IL1RAPL2: variants seen among roughly 807,000 people sequenced by gnomAD.
IL1RAPL2 encodes X-linked interleukin-1 receptor accessory protein-like 2.
IL1RAPL2 carries 3 observed loss-of-function variants against 44.1 expected under a neutral mutation model. The ratio of observed to expected loss-of-function variants is 0.07; its 90% CI spans 0.03 to 0.18. The LOEUF (loss-of-function observed/expected upper bound fraction) is 0.18, where lower values mean the gene tolerates loss of function less well. Ranked by LOEUF, IL1RAPL2 falls within the 10% of genes least tolerant of loss-of-function variation. The probability of loss-of-function intolerance (pLI) is 1.00; values close to 1 mark genes in which losing one functional copy is unlikely to be tolerated. For missense variants in IL1RAPL2, 391 were observed against 496.4 expected, an observed-to-expected ratio of 0.79 and a Z score of 2.02; for synonymous variants, 181 against 178.8, an observed-to-expected ratio of 1.01 and a Z score of -0.10.
chrX:105,415,804 TA>T (rs1220667845), intron 5 of IL1RAPL2, among the ~76,000 whole-genome samples: 1 of 111,475 alleles, frequency 9.0e-6, no homozygotes, highest in East Asian at 2.8e-4. Context: ...AAGAACAAAA[TA>T]AAAAAATTAC....
At chrX:105,094,943 T>C (rs1024874139) in intron 2 of IL1RAPL2, among the ~76,000 whole-genome samples, 1 of 111,408 alleles carries the variant, frequency 9.0e-6, no homozygotes, top group African/African-American at 3.3e-5. Flanking sequence ...CTATTACTAA[T>C]GGGATTGTTT....
At chrX:105,410,684 G>A (rs2035688891) in intron 5 of IL1RAPL2, among the ~76,000 whole-genome samples, 1 of 111,676 alleles carries the variant, frequency 9.0e-6, no homozygotes, top group Non-Finnish European at 1.9e-5. Context: ...TTATCCTTCA[G>A]AAATGAAGTA....
chrX:104,949,292 C>A (rs1400008098), intron 2 of IL1RAPL2, among the ~76,000 whole-genome samples: 1 of 110,580 alleles, frequency 9.0e-6, no homozygotes, highest in African/African-American at 3.3e-5. Flanking sequence ...TATTGCATGT[C>A]TTTGATTCTT....
At chrX:104,606,080 T>G (rs1021124398) in intron 1 of IL1RAPL2, among the ~76,000 whole-genome samples, 1 of 112,054 alleles carries the variant, frequency 8.9e-6, no homozygotes, top group African/African-American at 3.2e-5. Flanking sequence ...AATAAAATAC[T>G]GGCAAACCAA....
chrX:104,576,490 A>G (rs931942101), intron 1 of IL1RAPL2, among the ~76,000 whole-genome samples: 2 of 111,588 alleles, frequency 1.8e-5, no homozygotes, highest in Admixed American at 9.5e-5. Context: ...AAAGTATCCT[A>G]AGGCGTTGTA....
At position 105,473,097 on chromosome X, in the gene IL1RAPL2, A is replaced by AG. The variant is rs1023311887; in HGVS notation, c.698-11215dup. Among the ~76,000 whole-genome samples, 5 of 111,742 alleles carry AG rather than the reference A, an allele frequency of 4.5e-5. No individual in the cohort carries two copies. In the South Asian group the frequency reaches 1.9e-3, roughly 42 times the overall value. ...ATAGGAATGTTGTGAGGATTAAATG[A>AG]GACTGGGAGACTACAGAATAGGAGT... On this transcript the variant is annotated intron_variant, in intron 5 of 10. Coordinates refer to ENST00000372582, the MANE Select transcript of IL1RAPL2 (RefSeq NM_017416.2).
intron 2 of IL1RAPL2, among the ~76,000 whole-genome samples, chrX:104,941,379 T>C (rs1411805758): frequency 9.0e-6 from 1 of 111,522 alleles, no homozygotes; most frequent in Non-Finnish European, 1.9e-5. Flanking sequence ...TTCCTGACTT[T>C]TTAATGATCG....
intron 2 of IL1RAPL2, among the ~76,000 whole-genome samples, chrX:105,129,516 C>A (rs2033006923): frequency 9.0e-6 from 1 of 110,549 alleles, no homozygotes; most frequent in Non-Finnish European, 1.9e-5. Context: ...TCTCATCCCC[C>A]TGCTGACTCT....
intron 3 of IL1RAPL2, among the ~76,000 whole-genome samples, chrX:105,201,519 G>A (rs1231185263): frequency 6.3e-5 from 7 of 111,668 alleles, no homozygotes; most frequent in African/African-American, 2.0e-4. Flanking sequence ...ATATATAAGC[G>A]AGTATTTTTA....
chrX:105,652,582 A>G (rs781093164), intron 6 of IL1RAPL2, among the ~76,000 whole-genome samples: 6 of 111,606 alleles, frequency 5.4e-5, no homozygotes, highest in Non-Finnish European at 9.4e-5. Flanking sequence ...TATCGCACTT[A>G]GTATTTGCAA....
chrX:104,760,415 C>T (rs913576388), intron 2 of IL1RAPL2, among the ~76,000 whole-genome samples: 8 of 111,959 alleles, frequency 7.1e-5, no homozygotes, highest in Admixed American at 3.8e-4. Flanking sequence ...CAGAAGGGTT[C>T]CCTTTTCTCC....
intron 2 of IL1RAPL2, among the ~76,000 whole-genome samples, chrX:105,080,891 C>T (rs1271168055): frequency 9.0e-6 from 1 of 111,337 alleles, no homozygotes; most frequent in Non-Finnish European, 1.9e-5. Context: ...CTCTTATTTC[C>T]TTGAGCAGTT....
At chrX:105,589,136 A>G (rs2037150191) in intron 6 of IL1RAPL2, among the ~76,000 whole-genome samples, 1 of 112,177 alleles carries the variant, frequency 8.9e-6, no homozygotes, top group Non-Finnish European at 1.9e-5. Flanking sequence ...TCTAATTATT[A>G]GTGATGTTGA....
At chrX:105,312,071 GA>G (rs1369015600) in intron 5 of IL1RAPL2, among the ~76,000 whole-genome samples, 1 of 111,643 alleles carries the variant, frequency 9.0e-6, no homozygotes, top group Non-Finnish European at 1.9e-5. Context: ...TCATTTAAAT[GA>G]CTTTCTAGTA....
At chrX:104,937,382 G>T (rs778772720) in intron 2 of IL1RAPL2, among the ~76,000 whole-genome samples, 1 of 112,083 alleles carries the variant, frequency 8.9e-6, no homozygotes, top group Non-Finnish European at 1.9e-5. Context: ...TATCTTCCAC[G>T]CTGTGACCTT....
intron 2 of IL1RAPL2, among the ~76,000 whole-genome samples, chrX:105,053,567 G>A (rs185165245): frequency 9.0e-6 from 1 of 111,185 alleles, no homozygotes; most frequent in Admixed American, 9.6e-5. Context: ...AGAAAACAGA[G>A]TCTAGAACCT....
chrX:104,721,375 T>C (rs1931672007), intron 2 of IL1RAPL2, among the ~76,000 whole-genome samples: 1 of 110,786 alleles, frequency 9.0e-6, no homozygotes, highest in Non-Finnish European at 1.9e-5. Flanking sequence ...TCATGTTCTT[T>C]GCAGGGACAC....
intron 2 of IL1RAPL2, among the ~76,000 whole-genome samples, chrX:105,055,774 C>T (rs1449032978): frequency 1.1e-5 from 1 of 92,776 alleles, no homozygotes; most frequent in African/African-American, 4.0e-5. Context: ...TAGGAAAAGC[C>T]CCCAGTCTCA....
chrX:105,767,432 C>T lies in IL1RAPL2; in HGVS notation c.1832C>T (p.Ser611Leu). The change falls in exon 11 of 11, where the codon TCA (serine) becomes TTA (leucine). Residue 611 changes from serine (S) to leucine (L), a missense_variant. Transcript: ENST00000372582. ...ADLPEFHPSDSMQIRHCCRGY... is the reference protein window; with the variant it reads ...ADLPEFHPSDLMQIRHCCRGY... ...CTCCCTGAATTCCACCCTTCAGATT[C>T]AATGCAAATCAGGCACTGTTGCAGA... 8.3e-7 allele frequency: 1 copy of T among 1,210,999 alleles called. No individual in the cohort carries two copies. The highest frequency in any genetic ancestry group is 1.8e-5 in the South Asian group (1 of 56,952).
Sources: allele counts gnomAD v4.1 joint callset (sites outside exome capture counted in the v4.1 genomes callset), GRCh38; gene constraint gnomAD v4.1.1; transcripts MANE v1.5; gene names NCBI Gene and HGNC (gene_info 2026-07-23, HGNC 2026-07-21).